The following MDGA2 variants were observed in gnomAD, a reference collection of about 807,000 sequenced individuals.
MDGA2 encodes the protein MAM domain containing glycosylphosphatidylinositol anchor 2.
A neutral mutation model predicts 117.8 loss-of-function variants in MDGA2; 40 were observed. The ratio of observed to expected loss-of-function variants is 0.34; its 90% confidence interval spans 0.26 to 0.44. The LOEUF (loss-of-function observed/expected upper bound fraction) is 0.44. Ranked by LOEUF, MDGA2 falls within the 20% of genes least tolerant of loss-of-function variation. The pLI is 1.00. For missense variants in MDGA2, 1,123 were observed against 1,250.6 expected (o/e 0.90, Z 1.54); for synonymous variants, 452 against 439.0 (o/e 1.03, Z -0.37).
chr14:46,924,133 T>C (rs1884235633), intron 9 of MDGA2, among the ~76,000 whole-genome samples: 3 of 151,992 alleles, frequency 2.0e-5, no homozygotes, highest in Non-Finnish European at 4.4e-5. Flanking sequence ...TTTGGAATCA[T>C]CATGTATGAT....
intron 1 of MDGA2, among the ~76,000 whole-genome samples, chr14:47,594,582 T>C (rs1896500728): frequency 6.6e-6 from 1 of 152,190 alleles, no homozygotes; most frequent in Non-Finnish European, 1.5e-5. Context: ...TCCTCAAAAG[T>C]TAGAGGAGGA....
chr14:47,465,534 CA>C (rs1893585067), intron 1 of MDGA2, among the ~76,000 whole-genome samples: 1 of 152,018 alleles, frequency 6.6e-6, no homozygotes, highest in Admixed American at 6.6e-5. Flanking sequence ...TGAACACATA[CA>C]TTTCAAAAGA....
At chr14:47,298,606 C>A (rs1192545388) in intron 2 of MDGA2, among the ~76,000 whole-genome samples, 1 of 151,778 alleles carries the variant, frequency 6.6e-6, no homozygotes, top group Non-Finnish European at 1.5e-5. Flanking sequence ...AGACTTTGGC[C>A]GGGATGCCAG....
intron 3 of MDGA2, among the ~76,000 whole-genome samples, chr14:47,167,838 A>T (rs781119631): frequency 1.3e-5 from 2 of 152,166 alleles, no homozygotes; most frequent in African/African-American, 2.4e-5. Flanking sequence ...AAAACTTGAG[A>T]ATCTTGGTAG....
rs372067286 is a variant in MDGA2 at position 46,934,731 on chromosome 14, T to C, written c.2090-14571A>G. 1.2e-3 allele frequency among the ~76,000 whole-genome samples: 179 copies of C among 152,218 alleles called. 1 individual carries two copies. Among genetic ancestry groups the C allele is most frequent in the African/African-American group, 4.1e-3 (172 of 41,550 alleles). ...TGAAACAATCAGAAATCCCTCCTTA[T>C]GGAAATATTACAGCAAATGCTGTAA... On this transcript the variant is annotated intron_variant, in intron 9 of 16. Transcript: ENST00000399232.
intron 1 of MDGA2, among the ~76,000 whole-genome samples, chr14:47,462,172 C>T (rs1283655030): frequency 6.6e-6 from 1 of 151,904 alleles, no homozygotes; most frequent in Non-Finnish European, 1.5e-5. Context: ...GGTCAGGAGA[C>T]TGAGACCATC....
rs1001479279 is a variant in MDGA2 at position 47,626,854 on chromosome 14, A to G, written c.280+47663T>C. On this transcript the variant is annotated intron_variant, in intron 1 of 16. Transcript: ENST00000399232. The stretch of plus-strand genomic sequence containing the variant: ...CCTGACGAGCGCCGCCCCCTGCTCC[A>G]CAGCGCCCAGAACCGCCCAAGGGCT... Among the ~76,000 whole-genome samples, 8 of 152,330 alleles carry G rather than the reference A, an allele frequency of 5.3e-5. No homozygotes were observed. In the East Asian group the frequency reaches 1.2e-3, roughly 22 times the overall value.
intron 1 of MDGA2, among the ~76,000 whole-genome samples, chr14:47,421,485 C>G (rs77010816): frequency 0.013 from 1,322 of 100,072 alleles, 20 homozygotes; most frequent in African/African-American, 0.046. Flanking sequence ...TGTGGACCAG[C>G]TGAAAAGCAA....
At chr14:47,457,933 T>C (rs1347243007) in intron 1 of MDGA2, among the ~76,000 whole-genome samples, 1 of 151,912 alleles carries the variant, frequency 6.6e-6, no homozygotes, top group Non-Finnish European at 1.5e-5. Context: ...TTCTTCCAAG[T>C]GGTTAAGAGG....
chr14:47,147,161 A>C (rs1796463847), intron 3 of MDGA2, among the ~76,000 whole-genome samples: 5 of 151,032 alleles, frequency 3.3e-5, no homozygotes, highest in Admixed American at 3.3e-4. Flanking sequence ...ATGTGTAGAT[A>C]TACATACTTA....
intron 1 of MDGA2, among the ~76,000 whole-genome samples, chr14:47,560,422 T>G (rs1011111833): frequency 6.6e-6 from 1 of 152,190 alleles, no homozygotes; most frequent in African/African-American, 2.4e-5. Flanking sequence ...AGGTGGTATC[T>G]CATTGTGGTT....
intron 1 of MDGA2, among the ~76,000 whole-genome samples, chr14:47,576,824 C>T (rs1231252408): frequency 6.6e-6 from 1 of 152,166 alleles, no homozygotes; most frequent in African/African-American, 2.4e-5. Flanking sequence ...TTTCAGCTCA[C>T]TGCAGCCTCG....
chr14:47,042,434 CT>C (rs1566589214), intron 7 of MDGA2, among the ~76,000 whole-genome samples: 4 of 150,382 alleles, frequency 2.7e-5, no homozygotes, highest in African/African-American at 9.8e-5. Flanking sequence ...CTTTGGTGAT[CT>C]GATTGAGACT....
chr14:47,456,674 G>T (rs894334754), intron 1 of MDGA2, among the ~76,000 whole-genome samples: 2 of 152,036 alleles, frequency 1.3e-5, no homozygotes, highest in African/African-American at 4.8e-5. Context: ...TAGACAAGTG[G>T]GATGTTAGAA....
intron 10 of MDGA2, among the ~76,000 whole-genome samples, chr14:46,883,103 C>T (rs1343055631): frequency 6.6e-6 from 1 of 151,840 alleles, no homozygotes; most frequent in Non-Finnish European, 1.5e-5. Context: ...AAAAGAAAAA[C>T]AATAACTCTC....
intron 1 of MDGA2, among the ~76,000 whole-genome samples, chr14:47,371,912 A>T (rs963545181): frequency 6.6e-6 from 1 of 151,694 alleles, no homozygotes; most frequent in African/African-American, 2.4e-5. Flanking sequence ...TTTGAAGAAA[A>T]CATTTACAAC....
At chr14:47,248,999 T>G (rs1248178498) in intron 2 of MDGA2, among the ~76,000 whole-genome samples, 20 of 144,300 alleles carry the variant, frequency 1.4e-4, no homozygotes, top group Non-Finnish European at 2.4e-4. Flanking sequence ...TTTCTTTCAT[T>G]CTTTCTTTTT....
chr14:47,141,027 A>T (rs768628015), intron 4 of MDGA2, among the ~76,000 whole-genome samples: 1 of 152,196 alleles, frequency 6.6e-6, no homozygotes, highest in Non-Finnish European at 1.5e-5. Flanking sequence ...ACAAATGACC[A>T]ACAGTTATGT....
intron 5 of MDGA2, among the ~76,000 whole-genome samples, chr14:47,119,935 T>C (rs1881560965): frequency 6.6e-6 from 1 of 152,190 alleles, no homozygotes; most frequent in African/African-American, 2.4e-5. Context: ...TTTTGAAGGA[T>C]TCTCATCTAC....
Sources: allele counts gnomAD v4.1 joint callset (sites outside exome capture counted in the v4.1 genomes callset), GRCh38; gene constraint gnomAD v4.1.1; transcripts MANE v1.5; gene names NCBI Gene and HGNC (gene_info 2026-07-23, HGNC 2026-07-21).